The following CYP2C19 variants were observed in gnomAD, a reference collection of about 807,000 sequenced individuals.
CYP2C19 encodes the protein cytochrome P450 2C19.
A neutral mutation model predicts 40.9 loss-of-function variants in CYP2C19; 59 were observed. The observed-to-expected ratio is 1.44, with a 90% CI of 1.17 to 1.79. CYP2C19 has a LOEUF of 1.79. Ranked by LOEUF, CYP2C19 falls within the 40% of genes most tolerant of loss-of-function variation. The pLI is 0.00. For synonymous variants in CYP2C19, 253 were observed against 208.7 expected (o/e 1.21, Z -1.83); for missense variants, 754 against 596.9 (o/e 1.26, Z -2.74).
At chr10:94,825,817 C>G (rs1165552454) in intron 6 of CYP2C19, among the ~76,000 whole-genome samples, 1 of 143,496 alleles carries the variant, frequency 7.0e-6, no homozygotes, top group Non-Finnish European at 1.5e-5. Context: ...TTTAATCCAT[C>G]TTGAATTGAT....
chr10:94,792,578 G>C (rs193225725), intron 5 of CYP2C19, among the ~76,000 whole-genome samples: 1 of 152,078 alleles, frequency 6.6e-6, no homozygotes, highest in South Asian at 2.1e-4. Context: ...GCATTAGCTC[G>C]TCTGTAAAGG....
intron 5 of CYP2C19, among the ~76,000 whole-genome samples, chr10:94,782,494 G>A (rs1402957529): frequency 6.6e-6 from 1 of 151,990 alleles, no homozygotes; most frequent in Non-Finnish European, 1.5e-5. Flanking sequence ...AAATAGAAAT[G>A]TTTTTACTCT....
chr10:94,790,392 A>G (rs1231982257), intron 5 of CYP2C19, among the ~76,000 whole-genome samples: 4 of 152,050 alleles, frequency 2.6e-5, no homozygotes, highest in African/African-American at 9.7e-5. Context: ...ATTGAATAGG[A>G]GTGGTGAGAG....
At chr10:94,829,241 T>A (rs1300860765) in intron 6 of CYP2C19, among the ~76,000 whole-genome samples, 1 of 152,196 alleles carries the variant, frequency 6.6e-6, no homozygotes, top group Non-Finnish European at 1.5e-5. Context: ...TTCTCCTGGA[T>A]AATATCCTGC....
chr10:94,852,797 T>C lies in CYP2C19; in HGVS notation c.1356T>C (p.Ile452=). 6.2e-7 allele frequency: 1 copy of C among 1,614,052 alleles called. No individual in the cohort carries two copies. The highest frequency in any genetic ancestry group is 8.5e-7 in the Non-Finnish European group (1 of 1,179,968). The part of the protein sequence containing the change: ...RMELFLFLTF[I]LQNFNLKSLI... ...AGCTGTTTTTATTCCTGACCTTCAT[T>C]TTACAGAACTTTAACCTGAAATCTC... The change falls in exon 9 of 9, where the codon ATT becomes ATC. Residue 452 remains isoleucine, a synonymous_variant. Transcript: ENST00000371321.
chr10:94,846,803 G>A (rs947401501), intron 7 of CYP2C19, among the ~76,000 whole-genome samples: 1 of 151,012 alleles, frequency 6.6e-6, no homozygotes, highest in African/African-American at 2.4e-5. Context: ...TCGTCATTTA[G>A]CATTAGGTAT....
intron 5 of CYP2C19, among the ~76,000 whole-genome samples, chr10:94,798,118 G>A (rs760563106): frequency 1.3e-4 from 20 of 151,926 alleles, no homozygotes; most frequent in Non-Finnish European, 2.5e-4. Flanking sequence ...GCTTTCTCTT[G>A]TGCATATTTA....
At chr10:94,818,942 T>A (rs1849063581) in intron 5 of CYP2C19, among the ~76,000 whole-genome samples, 1 of 152,028 alleles carries the variant, frequency 6.6e-6, no homozygotes, top group South Asian at 2.1e-4. Flanking sequence ...ATACATTTTT[T>A]TCAGCACCAC....
chr10:94,778,605 T>A (rs1371677737), intron 3 of CYP2C19, among the ~76,000 whole-genome samples: 1 of 152,078 alleles, frequency 6.6e-6, no homozygotes, highest in Non-Finnish European at 1.5e-5. Flanking sequence ...CATTAATAAG[T>A]TAGGAAACAA....
intron 5 of CYP2C19, among the ~76,000 whole-genome samples, chr10:94,817,496 T>C (rs920617521): frequency 6.9e-4 from 100 of 144,346 alleles, no homozygotes; most frequent in African/African-American, 2.3e-3. Flanking sequence ...GTCAGATGAG[T>C]AGGTTGCGAA....
rs1848966778 is a variant in CYP2C19, at chr10:94,814,136, G to A, written c.820-6360G>A. Among the ~76,000 whole-genome samples the A allele has an allele frequency of 4.0e-5, 6 of 151,160 alleles. No homozygotes were observed. In the South Asian group the frequency reaches 1.3e-3, roughly 32 times the overall value. On this transcript the variant is annotated intron_variant, in intron 5 of 8. Coordinates refer to ENST00000371321, the MANE Select transcript of CYP2C19 (RefSeq NM_000769.4). ...CACCTACTGTCTAAACATTCCCAGT[G>A]AGATGAGCCAGGTACCTCAGTTGGA...
At chr10:94,778,843 G>A (rs1276879076) in intron 3 of CYP2C19, among the ~76,000 whole-genome samples, 2 of 152,080 alleles carry the variant, frequency 1.3e-5, no homozygotes, top group Non-Finnish European at 2.9e-5. Flanking sequence ...ATTTACAATA[G>A]CAAAGACTTG....
At chr10:94,782,099 T>C in intron 5 of CYP2C19, 102 bp downstream of exon 5, 1 of 922,198 alleles carries the variant, frequency 1.1e-6, no homozygotes, top group Non-Finnish European at 1.6e-6. Flanking sequence ...CAAGGAGTAA[T>C]GCTTGAGAAG....
chr10:94,811,979 A>T (rs1848932720), intron 5 of CYP2C19, among the ~76,000 whole-genome samples: 1 of 152,086 alleles, frequency 6.6e-6, no homozygotes, highest in South Asian at 2.1e-4. Flanking sequence ...GATGGTCTTT[A>T]CAAAATTTAG....
chr10:94,775,572 C>G (rs1848397050), intron 3 of CYP2C19, 33 bp downstream of exon 3: 2 of 1,613,718 alleles, frequency 1.2e-6, no homozygotes, highest in Middle Eastern at 1.6e-4. Flanking sequence ...ACTGACCTTT[C>G]TGGACTGCTC....
chr10:94,831,007 C>T (rs1200607767), intron 6 of CYP2C19, among the ~76,000 whole-genome samples: 1 of 152,126 alleles, frequency 6.6e-6, no homozygotes, highest in Non-Finnish European at 1.5e-5. Flanking sequence ...TTATTCATCC[C>T]TACTTCCCTT....
chr10:94,773,449 A>G (rs1387833902), intron 1 of CYP2C19, among the ~76,000 whole-genome samples: 1 of 152,166 alleles, frequency 6.6e-6, no homozygotes, highest in East Asian at 1.9e-4. Context: ...TACAGCTGTT[A>G]AAGATGGCAC....
At chr10:94,825,967 T>C (rs1227232353) in intron 6 of CYP2C19, among the ~76,000 whole-genome samples, 1 of 150,914 alleles carries the variant, frequency 6.6e-6, no homozygotes, top group African/African-American at 2.4e-5. Context: ...CAGATAGTTG[T>C]AGATATGTGG....
At chr10:94,764,826 A>G (rs2134228804) in intron 1 of CYP2C19, among the ~76,000 whole-genome samples, 1 of 152,272 alleles carries the variant, frequency 6.6e-6, no homozygotes. Context: ...AGTAATAACA[A>G]GATGGCTGCC....
Sources: gnomAD v4.1 joint callset for allele counts (sites outside exome capture counted in the v4.1 genomes callset) on GRCh38, gnomAD v4.1.1 for gene constraint, MANE v1.5 for transcripts, NCBI Gene and HGNC (gene_info 2026-07-23, HGNC 2026-07-21) for gene names.